The following CRYBG3 variants were observed in gnomAD, a reference collection of about 807,000 sequenced individuals.
CRYBG3 encodes crystallin beta-gamma domain containing 3.
CRYBG3 carries 127 observed loss-of-function variants against 244.2 expected under a neutral mutation model. That is an observed-to-expected ratio of 0.52 (90% CI 0.45 to 0.60). The LOEUF (loss-of-function observed/expected upper bound fraction) is 0.60, where lower values mean the gene tolerates loss of function less well. CRYBG3 is among the 20% of genes least tolerant of loss of function. The pLI, the probability that CRYBG3 is intolerant of heterozygous loss-of-function variation, is 0.00. For synonymous variants in CRYBG3, 1,132 were observed against 1,195.8 expected, an observed-to-expected ratio of 0.95 and a Z score of 1.10; for missense variants, 3,325 against 3,442.5, an observed-to-expected ratio of 0.97 and a Z score of 0.85.
At chr3:97,861,027 C>A (rs558151432) in intron 2 of CRYBG3, among the ~76,000 whole-genome samples, 2 of 151,960 alleles carry the variant, frequency 1.3e-5, no homozygotes, top group Admixed American at 6.6e-5. Flanking sequence ...CCTTTCTATT[C>A]TCCATGTCCA....
intron 17 of CRYBG3, among the ~76,000 whole-genome samples, chr3:97,929,300 C>T (rs753134278): frequency 2.6e-5 from 4 of 151,664 alleles, no homozygotes; most frequent in East Asian, 1.9e-4. Context: ...TTGGAAAGTT[C>T]GGATTACTGT....
intron 13 of CRYBG3, 40 bp from the exon 14 acceptor site, chr3:97,899,097 C>A: frequency 2.5e-6 from 4 of 1,600,244 alleles, no homozygotes; most frequent in Non-Finnish European, 3.4e-6. Context: ...TTGTATATCA[C>A]TTGTTTTTAT....
At position 97,873,070 on chromosome 3, in the gene CRYBG3, G is replaced by T; in HGVS notation, c.1876G>T (p.Asp626Tyr). The change falls in exon 4 of 22, where the codon GAC becomes TAC. Residue 626 changes from aspartate to tyrosine, a missense_variant. Asp to Tyr is a radical substitution (Grantham distance 160). Around this residue, in one of 4 missense-constraint regions of CRYBG3, gnomAD observed 1,526 missense variants for 1,443.2 expected, o/e 1.06. Coordinates refer to ENST00000389622, the MANE Select transcript of CRYBG3 (RefSeq NM_153605.4). ...NRSHISETPLDSESPQQAEVS... is the reference protein window; with the variant it reads ...NRSHISETPLYSESPQQAEVS... ...AAGTCACATTTCAGAAACTCCTCTT[G>T]ACTCTGAGAGTCCTCAACAAGCTGA... is the stretch of plus-strand genomic sequence containing the variant. 1 of 1,534,456 alleles carries T rather than the reference G, an allele frequency of 6.5e-7. No homozygotes were observed. The highest frequency in any genetic ancestry group is 1.2e-5 in the South Asian group (1 of 83,588).
At chr3:97,833,340 A>G (rs529223647) in intron 1 of CRYBG3, among the ~76,000 whole-genome samples, 2 of 152,302 alleles carry the variant, frequency 1.3e-5, no homozygotes, top group South Asian at 4.1e-4. Context: ...TAGACTGGAT[A>G]AAGAAAATGT....
intron 1 of CRYBG3, among the ~76,000 whole-genome samples, chr3:97,834,627 A>AT (rs760213134): frequency 6.6e-6 from 1 of 152,146 alleles, no homozygotes; most frequent in Non-Finnish European, 1.5e-5. Context: ...CATTCACAGG[A>AT]TGGAAGGATG....
Position 97,864,291 on chromosome 3 carries a change from G to T in CRYBG3, c.291G>T (p.Lys97Asn). 1 of 1,535,458 alleles carries T rather than the reference G, an allele frequency of 6.5e-7. No homozygotes were observed. The highest frequency in any genetic ancestry group is 8.7e-7 in the Non-Finnish European group (1 of 1,146,622). Reference sequence around the variant, plus strand: ...TTCCAGTGCAGGAAGATCCCAAAAAGGCATATGATCTTTCCAGTTCCACTT... The same window carrying T: ...TTCCAGTGCAGGAAGATCCCAAAAATGCATATGATCTTTCCAGTTCCACTT... ...VTLPVQEDPK[K>N]AYDLSSSTSD... is the part of the protein sequence containing the mutation. Residue 97 changes from lysine to asparagine, a missense_variant, in exon 3 of 22, where the codon AAG (lysine) becomes AAT (asparagine). This residue lies in a region of CRYBG3 where 1,526 missense variants were observed against 1,443.2 expected (regional missense o/e 1.06). Transcript: ENST00000389622.
chr3:97,874,489 GTAAC>G lies in CRYBG3; in HGVS notation c.3300_3303del (p.Asn1101CysfsTer21). 6.5e-7 allele frequency: 1 copy of G among 1,534,382 alleles called. No individual in the cohort carries two copies. The highest frequency in any genetic ancestry group is 8.7e-7 in the Non-Finnish European group (1 of 1,146,270). On this transcript the variant is annotated frameshift_variant, in exon 4 of 22. Coordinates refer to ENST00000389622, the MANE Select transcript of CRYBG3 (RefSeq NM_153605.4). LOFTEE classifies it high-confidence loss of function. ...AGATCTCACACATGAAGGTACCTCT[GTAAC>G]TAACCTGTTGTACCCTACTACCTCT... is the stretch of plus-strand genomic sequence containing the variant.
chr3:97,849,449 A>C (rs1001752533), intron 2 of CRYBG3, among the ~76,000 whole-genome samples: 9 of 151,948 alleles, frequency 5.9e-5, no homozygotes, highest in African/African-American at 2.2e-4. Flanking sequence ...AAAAAAAAAA[A>C]GTGAGTGCTA....
intron 1 of CRYBG3, among the ~76,000 whole-genome samples, chr3:97,822,591 G>T (rs1039530930): frequency 6.6e-6 from 1 of 152,126 alleles, no homozygotes; most frequent in African/African-American, 2.4e-5. Flanking sequence ...GCAGCCGGAC[G>T]CATATCCCCC....
Position 97,872,369 on chromosome 3 carries a change from T to A in CRYBG3, c.1175T>A (p.Val392Asp). 6.5e-7 allele frequency: 1 copy of A among 1,535,800 alleles called. No individual in the cohort carries two copies. Among genetic ancestry groups the A allele is most frequent in the Non-Finnish European group, 8.7e-7 (1 of 1,146,780 alleles). ...TTAACAGGAAGTAACCATCGCAAAG[T>A]CCCTTGCAGCCCAGATTTTCAGAGA... ...ALLTGSNHRKVPCSPDFQRVT... is the reference protein window; with the variant it reads ...ALLTGSNHRKDPCSPDFQRVT... The change falls in exon 4 of 22, where the codon GTC becomes GAC. Residue 392 changes from valine to aspartate, a missense_variant. By Grantham distance (152) the Val-to-Asp change is radical. This residue lies in a region of CRYBG3 where 1,526 missense variants were observed against 1,443.2 expected (regional missense o/e 1.06). Transcript: ENST00000389622.
intron 11 of CRYBG3, among the ~76,000 whole-genome samples, chr3:97,894,742 C>T (rs1173847972): frequency 6.6e-6 from 1 of 151,836 alleles, no homozygotes; most frequent in Non-Finnish European, 1.5e-5. Context: ...TTTTGAGTAG[C>T]CACACTTATA....
At chr3:97,938,403 T>C (rs1296665535) in intron 19 of CRYBG3, among the ~76,000 whole-genome samples, 1 of 152,096 alleles carries the variant, frequency 6.6e-6, no homozygotes, top group Non-Finnish European at 1.5e-5. Flanking sequence ...GAGCTGAATA[T>C]AGCCTAGTGG....
chr3:97,917,193 A>G (rs1345624329), intron 17 of CRYBG3, among the ~76,000 whole-genome samples: 2 of 152,176 alleles, frequency 1.3e-5, no homozygotes, highest in Admixed American at 1.3e-4. Flanking sequence ...GAAGGGTTAT[A>G]ATTCCTTTAG....
chr3:97,825,026 G>A (rs1291173472), intron 1 of CRYBG3, among the ~76,000 whole-genome samples: 1 of 152,192 alleles, frequency 6.6e-6, no homozygotes, highest in African/African-American at 2.4e-5. Flanking sequence ...TAGGAAGAGA[G>A]AGAATAGGGA....
At chr3:97,887,090 G>A (rs2039516952) in intron 8 of CRYBG3, among the ~76,000 whole-genome samples, 1 of 152,180 alleles carries the variant, frequency 6.6e-6, no homozygotes, top group African/African-American at 2.4e-5. Flanking sequence ...TCTAAGTTCT[G>A]ATAGTCACTG....
intron 14 of CRYBG3, 36 bp downstream of exon 14, chr3:97,899,299 T>G (rs772541855): frequency 6.3e-7 from 1 of 1,581,084 alleles, no homozygotes; most frequent in Non-Finnish European, 8.6e-7. Flanking sequence ...TGCTGCATCA[T>G]GTAATAGTAT....
At chr3:97,932,012 C>A (rs1344519113) in intron 17 of CRYBG3, among the ~76,000 whole-genome samples, 1 of 151,970 alleles carries the variant, frequency 6.6e-6, no homozygotes, top group Non-Finnish European at 1.5e-5. Flanking sequence ...ATTAATAATA[C>A]CAATTTAAAA....
intron 2 of CRYBG3, among the ~76,000 whole-genome samples, chr3:97,848,383 CCTT>C: frequency 6.6e-6 from 1 of 152,202 alleles, no homozygotes; most frequent in East Asian, 1.9e-4. Flanking sequence ...CTCACTGAAA[CCTT>C]CACCTCCTGG....
rs1011925110 is a variant in CRYBG3 at position 97,875,466 on chromosome 3, G to A, written c.4272G>A (p.Thr1424=). ...SDSINLQESD[T]VLLAEDMSHK... is the part of the protein sequence containing the mutation. ...GTATAAATTTGCAGGAATCAGATACGGTTTTACTAGCTGAAGACATGTCAC... is the reference window on the plus strand; with the variant it reads ...GTATAAATTTGCAGGAATCAGATACAGTTTTACTAGCTGAAGACATGTCAC... The change falls in exon 4 of 22, where the codon ACG becomes ACA. Residue 1424 remains threonine, a synonymous_variant. Transcript: ENST00000389622. 6.1e-6 allele frequency: 8 copies of A among 1,317,876 alleles called. No individual in the cohort carries two copies. In the African/African-American group the frequency reaches 1.2e-4, roughly 20 times the overall value. 81.6% of individuals were successfully genotyped at this position (1,317,876 alleles called of 1,614,324 possible).
Sources: gnomAD v4.1 joint callset for allele counts (sites outside exome capture counted in the v4.1 genomes callset) on GRCh38, gnomAD v4.1.1 for gene constraint, gnomAD v4.1.1 regional missense constraint, MANE v1.5 for transcripts, NCBI Gene and HGNC (gene_info 2026-07-23, HGNC 2026-07-21) for gene names.